The following CYP2E1 variants were observed in gnomAD, a reference collection of about 807,000 sequenced individuals.
The protein encoded by CYP2E1 is cytochrome P450 family 2 subfamily E member 1.
Under a neutral mutation model 42.9 loss-of-function variants are expected in CYP2E1, and 31 were observed. The observed-to-expected ratio is 0.72, with a 90% CI of 0.54 to 0.98. The LOEUF (loss-of-function observed/expected upper bound fraction) is 0.98, where lower values mean the gene tolerates loss of function less well. Ranked by LOEUF, CYP2E1 falls within the 50% of genes least tolerant of loss-of-function variation. The pLI is 0.00. For synonymous variants in CYP2E1, 244 were observed against 248.9 expected (o/e 0.98, Z 0.19); for missense variants, 565 against 633.2 (o/e 0.89, Z 1.16).
At position 133,532,567 on chromosome 10, in the gene CYP2E1, C is replaced by T; in HGVS notation, c.649-125C>T. The T allele has an allele frequency of 3.1e-6, 3 of 972,446 alleles. No individual in the cohort carries two copies. In the East Asian group the frequency reaches 7.3e-5, roughly 24 times the overall value. 60.2% of individuals were successfully genotyped at this position (972,446 alleles called of 1,614,324 possible). A position where few individuals can be genotyped will look rare whatever the true frequency, so the allele number is the denominator to read the frequency against. ...GGTGCCCAAGAAGGACACTGTTGAC[C>T]CAAAATATTCCAAATAAACAATGAT... On this transcript the variant is annotated intron_variant, in intron 4 of 8. Coordinates refer to ENST00000252945, the MANE Select transcript of CYP2E1 (RefSeq NM_000773.4).
intron 2 of CYP2E1, 72 bp downstream of exon 2, chr10:133,528,712 G>A: frequency 6.4e-7 from 1 of 1,554,170 alleles, no homozygotes; most frequent in Middle Eastern, 2.0e-4. Context: ...CGCTAGCCAC[G>A]TCGGCGATGG....
chr10:133,536,127 T>C (rs1037007824), intron 6 of CYP2E1, among the ~76,000 whole-genome samples: 1 of 152,164 alleles, frequency 6.6e-6, no homozygotes, highest in African/African-American at 2.4e-5. Context: ...CCTGGGGTAA[T>C]TATCAATGCA....
intron 3 of CYP2E1, 147 bp from the exon 4 acceptor site, chr10:133,531,977 A>G (rs761167106): frequency 6.0e-6 from 5 of 828,686 alleles, no homozygotes; most frequent in Non-Finnish European, 7.5e-6. Flanking sequence ...GGAAACTCAA[A>G]CAGGTTCAGA....
intron 1 of CYP2E1, chr10:133,528,238 G>C (rs1054101419): frequency 1.6e-5 from 7 of 436,142 alleles, no homozygotes; most frequent in African/African-American, 1.2e-4. Flanking sequence ...TTGCCGCGGA[G>C]TTGTCCGCGG....
intron 2 of CYP2E1, among the ~76,000 whole-genome samples, chr10:133,530,471 C>T (rs908150735): frequency 6.6e-6 from 1 of 152,148 alleles, no homozygotes; most frequent in Admixed American, 6.5e-5. Context: ...CCAGCTGCAC[C>T]CCTGCCCCAC....
rs779561569 is a variant in CYP2E1 at position 133,537,797 on chromosome 10, A to C, written c.1202A>C (p.Gln401Pro). 1 of 1,613,936 alleles carries C rather than the reference A, an allele frequency of 6.2e-7. No individual in the cohort carries two copies. Among genetic ancestry groups the C allele is most frequent in the Non-Finnish European group, 8.5e-7 (1 of 1,179,840 alleles). The stretch of plus-strand genomic sequence containing the variant: ...CTGGACTCTGTTTTGTATGACAACC[A>C]AGAATTTCCTGATCCAGAAAAGTTT... ...PTLDSVLYDN[Q>P]EFPDPEKFKP... The change falls in exon 8 of 9, where the codon CAA becomes CCA. Residue 401 changes from glutamine to proline, a missense_variant. Coordinates refer to ENST00000252945, the MANE Select transcript of CYP2E1 (RefSeq NM_000773.4).
intron 7 of CYP2E1, 169 bp downstream of exon 7, chr10:133,537,419 C>A: frequency 1.5e-6 from 1 of 673,996 alleles, no homozygotes; most frequent in Non-Finnish European, 2.5e-6. Context: ...TCCAGGAGTG[C>A]TCACATTGGC....
chr10:133,535,753 C>T (rs1476467917), intron 6 of CYP2E1, among the ~76,000 whole-genome samples: 1 of 152,166 alleles, frequency 6.6e-6, no homozygotes, highest in Non-Finnish European at 1.5e-5. Context: ...AAATGTGTTA[C>T]AGAGCCAGCC....
In CYP2E1 at chr10:133,537,154, G is replaced by A. The variant is rs778157014; in HGVS notation, c.1059G>A (p.Val353=). 22 of 1,613,954 alleles carry A rather than the reference G, an allele frequency of 1.4e-5. 2 individuals are homozygous for A. The South Asian group carries it at 2.0e-4, about 14-fold the overall frequency. The change falls in exon 7 of 9, where the codon GTG becomes GTA. Residue 353 remains valine, a synonymous_variant. Coordinates refer to ENST00000252945, the MANE Select transcript of CYP2E1 (RefSeq NM_000773.4). Reference sequence around the variant, plus strand: ...AAGAGATGCCCTACATGGATGCTGTGGTGCATGAGATTCAGCGGTTCATCA... The same window carrying A: ...AAGAGATGCCCTACATGGATGCTGTAGTGCATGAGATTCAGCGGTTCATCA... ...DRQEMPYMDA[V]VHEIQRFITL... is the part of the protein sequence containing the mutation.
At chr10:133,535,244 G>A (rs1050762706) in intron 6 of CYP2E1, among the ~76,000 whole-genome samples, 2 of 152,108 alleles carry the variant, frequency 1.3e-5, no homozygotes, top group African/African-American at 4.8e-5. Context: ...TGAGGCAGGA[G>A]AATCGCTTCA....
chr10:133,537,591 A>T, intron 7 of CYP2E1, 160 bp from the exon 8 acceptor site: 1 of 647,474 alleles, frequency 1.5e-6, no homozygotes, highest in Non-Finnish European at 2.6e-6. Context: ...CTGACCCCTG[A>T]CTGCTTTCTA....
chr10:133,537,501 C>G lies in CYP2E1; in HGVS notation c.1156-250C>G, dbSNP rs540406829. 4.7e-5 allele frequency: 28 copies of G among 595,054 alleles called. No homozygotes were observed. In the Admixed American group the frequency reaches 5.0e-4, roughly 11 times the overall value. 36.9% of individuals were successfully genotyped at this position (595,054 alleles called of 1,614,324 possible). A position where few individuals can be genotyped will look rare whatever the true frequency, so the allele number is the denominator to read the frequency against. ...ATAGTGCCTGGGACTGTAGTGAATT[C>G]TAATGCCAGGAACAAACTATCACAA... On this transcript the variant is annotated intron_variant, in intron 7 of 8. Transcript: ENST00000252945.
Position 133,531,505 on chromosome 10 carries a change from T to C in CYP2E1, c.338-80T>C, listed in dbSNP as rs1851335432. 6.6e-6 allele frequency: 10 copies of C among 1,517,200 alleles called. No individual in the cohort carries two copies. In the South Asian group the frequency reaches 1.1e-4, roughly 17 times the overall value. The allele number at this position is 1,517,200 out of a possible 1,614,324, so 94.0% of individuals were successfully genotyped here. A position where few individuals can be genotyped will look rare whatever the true frequency, so the allele number is the denominator to read the frequency against. On this transcript the variant is annotated intron_variant, in intron 2 of 8. Transcript: ENST00000252945. ...CTTTATACACCTGTAAATCCTGCCCTGCTCTCCAAGGCCCTCTGTAGCCCA... is the reference window on the plus strand; with the variant it reads ...CTTTATACACCTGTAAATCCTGCCCCGCTCTCCAAGGCCCTCTGTAGCCCA...
intron 1 of CYP2E1, among the ~76,000 whole-genome samples, chr10:133,527,804 CTGA>C (rs1436468722): frequency 1.3e-5 from 2 of 152,154 alleles, no homozygotes; most frequent in East Asian, 3.9e-4. Flanking sequence ...TGTCCTGGGG[CTGA>C]TGATGGGGAG....
chr10:133,528,600 C>T lies in CYP2E1; in HGVS notation c.297C>T (p.Gly99=), dbSNP rs765420456. The T allele has an allele frequency of 6.2e-7, 1 of 1,613,446 alleles. No individual in the cohort carries two copies. Among genetic ancestry groups the T allele is most frequent in the Admixed American group, 1.7e-5 (1 of 60,034 alleles). Residue 99 remains glycine, a synonymous_variant, in exon 2 of 9, where the codon GGC becomes GGT. Transcript: ENST00000252945. ...ALLDYKDEFS[G]RGDLPAFHAH... The stretch of plus-strand genomic sequence containing the variant: ...TGGACTACAAGGACGAGTTCTCGGG[C>T]AGAGGCGACCTCCCCGCGTTCCATG...
chr10:133,531,476 A>T, intron 2 of CYP2E1, 109 bp from the exon 3 acceptor site: 1 of 1,294,290 alleles, frequency 7.7e-7, no homozygotes, highest in Non-Finnish European at 1.1e-6. Context: ...CCCCTCTGTC[A>T]CTTCTTTATA....
intron 3 of CYP2E1, 31 bp from the exon 4 acceptor site, chr10:133,532,093 C>T (rs374523768): frequency 1.0e-5 from 16 of 1,604,412 alleles, no homozygotes; most frequent in Non-Finnish European, 1.4e-5. Context: ...TCACCCCCAT[C>T]TTCTGGTTGC....
chr10:133,535,547 G>T (rs868096409), intron 6 of CYP2E1, among the ~76,000 whole-genome samples: 8 of 152,152 alleles, frequency 5.3e-5, no homozygotes, highest in Middle Eastern at 3.2e-3. Context: ...GTATGGATCT[G>T]CAGTGATTAT....
At chr10:133,533,943 C>G (rs758899447) in intron 6 of CYP2E1, 46 bp downstream of exon 6, 13 of 1,605,160 alleles carry the variant, frequency 8.1e-6, no homozygotes, top group Admixed American at 1.7e-5. Flanking sequence ...CTGCATCTCC[C>G]TGGATGGCCA....
Sources: gnomAD v4.1 joint callset for allele counts (sites outside exome capture counted in the v4.1 genomes callset) on GRCh38, gnomAD v4.1.1 for gene constraint, MANE v1.5 for transcripts, NCBI Gene and HGNC (gene_info 2026-07-23, HGNC 2026-07-21) for gene names.